Variants in KIF13A observed in about 807,000 individuals in gnomAD.
KIF13A encodes the protein kinesin family member 13A, also known as kinesin-like protein KIF13A.
In KIF13A, 79 loss-of-function variants were observed where a neutral mutation model predicts 212.2. That is an observed-to-expected ratio of 0.37 (90% CI 0.31 to 0.45). KIF13A has a LOEUF of 0.45. Among genes scored for constraint, KIF13A ranks in the 20% least tolerant of loss-of-function variants. KIF13A has a pLI of 1.00. For synonymous variants in KIF13A, 789 were observed against 808.6 expected, an observed-to-expected ratio of 0.98 and a Z score of 0.41; for missense variants, 1,901 against 2,209.0, an observed-to-expected ratio of 0.86 and a Z score of 2.79.
At chr6:17,965,322 T>C (rs1304234839) in intron 2 of KIF13A, among the ~76,000 whole-genome samples, 1 of 148,752 alleles carries the variant, frequency 6.7e-6, no homozygotes, top group Admixed American at 6.7e-5. Context: ...TACAACCATC[T>C]AGCCATACAA....
At chr6:17,774,704 T>C (rs1581873173) in intron 35 of KIF13A, among the ~76,000 whole-genome samples, 1 of 148,822 alleles carries the variant, frequency 6.7e-6, no homozygotes. Flanking sequence ...ACCTGGGAGG[T>C]GGAGGTTGCA....
Position 17,859,620 on chromosome 6 carries a change from T to TTATA in KIF13A, c.221-3502_221-3499dup, listed in dbSNP as rs1355192834. ...TCAACTGTCCTGCTGGCAATGTATTTTATATATATATATATATATTTTTTT... is the reference window on the plus strand; with the variant it reads ...TCAACTGTCCTGCTGGCAATGTATTTTATATATATATATATATATATATTTTTTT... On this transcript the variant is annotated intron_variant, in intron 4 of 38. Transcript: ENST00000259711. Among the ~76,000 whole-genome samples, 15 of 131,540 alleles carry TTATA rather than the reference T, an allele frequency of 1.1e-4. 1 individual carries two copies. The highest frequency in any genetic ancestry group is 2.4e-4 in the South Asian group (1 of 4,144). The allele number at this position is 131,540 out of a possible 152,430, so 86.3% of individuals were successfully genotyped here. A position where few individuals can be genotyped will look rare whatever the true frequency, so the allele number is the denominator to read the frequency against.
chr6:17,866,659 C>T (rs903144945), intron 4 of KIF13A, among the ~76,000 whole-genome samples: 3 of 151,676 alleles, frequency 2.0e-5, no homozygotes, highest in Non-Finnish European at 2.9e-5. Flanking sequence ...CAGGGTTGTA[C>T]TATCTATTGC....
chr6:17,889,962 C>T (rs911490684), intron 3 of KIF13A, among the ~76,000 whole-genome samples: 7 of 152,072 alleles, frequency 4.6e-5, no homozygotes, highest in Non-Finnish European at 7.4e-5. Context: ...CTGACCAACA[C>T]GGAGAAACCT....
intron 2 of KIF13A, among the ~76,000 whole-genome samples, chr6:17,921,819 C>T (rs1775099781): frequency 2.0e-5 from 3 of 152,260 alleles, no homozygotes; most frequent in African/African-American, 2.4e-5. Context: ...CTACCTAAAG[C>T]TCCAAAGCTT....
In KIF13A at chr6:17,832,553, G is replaced by A. The variant is rs1765541239; in HGVS notation, c.1267-1318C>T. Among the ~76,000 whole-genome samples the A allele has an allele frequency of 3.9e-5, 6 of 152,080 alleles. 1 individual carries two copies. The highest frequency in any genetic ancestry group is 3.9e-4 in the Admixed American group (6 of 15,254). On this transcript the variant is annotated intron_variant, in intron 12 of 38. Coordinates refer to ENST00000259711, the MANE Select transcript of KIF13A (RefSeq NM_022113.6). The stretch of plus-strand genomic sequence containing the variant: ...TTTGGGAGGCTGAGGCAGGAGAATA[G>A]CTTGAACTGGGGAGGCGGAGGTTGC...
chr6:17,882,937 GTGTA>G (rs1270392033), intron 3 of KIF13A, among the ~76,000 whole-genome samples: 1 of 152,142 alleles, frequency 6.6e-6, no homozygotes, highest in East Asian at 1.9e-4. Flanking sequence ...TTCTGTATGT[GTGTA>G]TATATATGTA....
intron 9 of KIF13A, among the ~76,000 whole-genome samples, chr6:17,845,950 T>G (rs1766991712): frequency 6.6e-6 from 1 of 152,064 alleles, no homozygotes; most frequent in African/African-American, 2.4e-5. Context: ...CTTAAGAGGA[T>G]TATTAATGCT....
chr6:17,935,713 A>G (rs938883762), intron 2 of KIF13A, among the ~76,000 whole-genome samples: 11 of 152,238 alleles, frequency 7.2e-5, no homozygotes, highest in African/African-American at 2.7e-4. Context: ...CTTGTGAACA[A>G]AAATGTTTAT....
Position 17,849,440 on chromosome 6 carries a change from C to T in KIF13A, c.767G>A (p.Ser256Asn). The T allele has an allele frequency of 3.7e-6, 6 of 1,613,796 alleles. No homozygotes were observed. The highest frequency in any genetic ancestry group is 5.1e-6 in the Non-Finnish European group (6 of 1,179,820). The change falls in exon 9 of 39, where the codon AGC becomes AAC. Residue 256 changes from serine (S) to asparagine (N), a missense_variant. Ser to Asn is a conservative substitution (Grantham distance 46, BLOSUM62 1). Coordinates refer to ENST00000259711, the MANE Select transcript of KIF13A (RefSeq NM_022113.6). This position sits in a 1 kb window ranked among gnomAD's most constrained non-coding sequence, Gnocchi z 5.7. ...SKVSLVDLAG[S>N]ERVSKTGAAG... ...AGCTCCTGTTTTAGATACTCTTTCG[C>T]TACCCGCCAGGTCTACCAAGCTGAC...
intron 6 of KIF13A, among the ~76,000 whole-genome samples, chr6:17,854,145 GTTATTA>G (rs763229235): frequency 1.3e-5 from 2 of 152,224 alleles, no homozygotes; most frequent in South Asian, 2.1e-4. Flanking sequence ...TGTAACAGTG[GTTATTA>G]TTATTGAGAT....
At chr6:17,881,569 C>A (rs775778164) in intron 3 of KIF13A, 3 of 390,662 alleles carry the variant, frequency 7.7e-6, no homozygotes, top group Non-Finnish European at 1.5e-5. Context: ...CGGCAGTGCA[C>A]GCCTGTAATC....
rs534198015 is a variant in KIF13A, at chr6:17,794,553, C to A, written c.3075+19G>T. Reference sequence around the variant, plus strand: ...ACAGAGAGAAAACATTAAAAAAAAACCCAAAACAAACTCAGTACCTGTCTA... The same window carrying A: ...ACAGAGAGAAAACATTAAAAAAAAAACCAAAACAAACTCAGTACCTGTCTA... On this transcript the variant is annotated intron_variant, in intron 24 of 38. Transcript: ENST00000259711. The surrounding 1 kb of genome is among the most constrained non-coding windows in gnomAD (Gnocchi z 4.1). 1.2e-4 allele frequency: 192 copies of A among 1,575,356 alleles called. No individual in the cohort carries two copies. In the African/African-American group the frequency reaches 1.5e-3, roughly 13 times the overall value.
rs914256480 is a variant in KIF13A at position 17,837,145 on chromosome 6, T to C, written c.943-55A>G. ...AAGCCCATTCCATGGACAACACATA[T>C]GATAAAAGCACTAAATGTGTTAGGT... On this transcript the variant is annotated intron_variant, in intron 10 of 38. Coordinates refer to ENST00000259711, the MANE Select transcript of KIF13A (RefSeq NM_022113.6). The surrounding 1 kb of genome is among the most constrained non-coding windows in gnomAD (Gnocchi z 5.4). The C allele has an allele frequency of 4.2e-6, 6 of 1,437,978 alleles. No individual in the cohort carries two copies. Among genetic ancestry groups the C allele is most frequent in the African/African-American group, 2.8e-5 (2 of 71,202 alleles). 89.1% of individuals were successfully genotyped at this position (1,437,978 alleles called of 1,614,324 possible). A position where few individuals can be genotyped will look rare whatever the true frequency, so the allele number is the denominator to read the frequency against.
Position 17,773,702 on chromosome 6 carries a change from T to C in KIF13A, c.4219-119A>G, listed in dbSNP as rs1174727874. 2.0e-6 allele frequency: 1 copy of C among 509,978 alleles called. No individual in the cohort carries two copies. The highest frequency in any genetic ancestry group is 2.9e-5 in the East Asian group (1 of 34,280). 31.6% of individuals were successfully genotyped at this position (509,978 alleles called of 1,614,324 possible). On this transcript the variant is annotated intron_variant, in intron 35 of 38. Transcript: ENST00000259711. The surrounding 1 kb of genome is among the most constrained non-coding windows in gnomAD (Gnocchi z 4.2). The stretch of plus-strand genomic sequence containing the variant: ...CAGCATATGCTCTTCTTTATTTTTA[T>C]TATGATTTATTTCAAATATACAGAA...
rs1581918507 is a variant in KIF13A, at chr6:17,786,545, G to A, written c.3362-904C>T. 1.3e-5 allele frequency among the ~76,000 whole-genome samples: 2 copies of A among 151,802 alleles called. No individual in the cohort carries two copies. Among genetic ancestry groups the A allele is most frequent in the Non-Finnish European group, 2.9e-5 (2 of 67,946 alleles). The stretch of plus-strand genomic sequence containing the variant: ...AACCTGGGAGGAGGAGGTTGCAGTG[G>A]GCCAAGATCATGCCACTGCACTCCA... On this transcript the variant is annotated intron_variant, in intron 27 of 38. Coordinates refer to ENST00000259711, the MANE Select transcript of KIF13A (RefSeq NM_022113.6). The surrounding 1 kb of genome is among the most constrained non-coding windows in gnomAD (Gnocchi z 5.4).
At position 17,783,836 on chromosome 6, in the gene KIF13A, A is replaced by G. The variant is rs1172658361; in HGVS notation, c.3489-135T>C. On this transcript the variant is annotated intron_variant, in intron 28 of 38. Coordinates refer to ENST00000259711, the MANE Select transcript of KIF13A (RefSeq NM_022113.6). This position sits in a 1 kb window ranked among gnomAD's most constrained non-coding sequence, Gnocchi z 4.3. ...GTTTCCACTAATGAAATACTTTCAT[A>G]TTTCTTGACTTCCCTGTAGACATAA... 9.0e-6 allele frequency: 6 copies of G among 665,286 alleles called. No individual in the cohort carries two copies. The highest frequency in any genetic ancestry group is 1.8e-5 in the African/African-American group (1 of 55,446). 41.2% of individuals were successfully genotyped at this position (665,286 alleles called of 1,614,324 possible). A position where few individuals can be genotyped will look rare whatever the true frequency, so the allele number is the denominator to read the frequency against.
chr6:17,803,723 G>T (rs1435370627), intron 20 of KIF13A, among the ~76,000 whole-genome samples: 3 of 152,158 alleles, frequency 2.0e-5, no homozygotes, highest in Non-Finnish European at 4.4e-5. Context: ...TATCGCAAAG[G>T]TATGAGATTA....
At chr6:17,908,560 T>C (rs189911420) in intron 2 of KIF13A, among the ~76,000 whole-genome samples, 1 of 152,070 alleles carries the variant, frequency 6.6e-6, no homozygotes, top group African/African-American at 2.4e-5. Context: ...GCCATGGTCA[T>C]GCCACCGCAC....
Sources: allele counts gnomAD v4.1 joint callset (sites outside exome capture counted in the v4.1 genomes callset), GRCh38; gene constraint gnomAD v4.1.1; non-coding constraint Gnocchi (gnomAD v3.1); transcripts MANE v1.5; gene names NCBI Gene and HGNC (gene_info 2026-07-23, HGNC 2026-07-21).